PRKCZ: variants seen among roughly 807,000 people sequenced by gnomAD.
The protein encoded by PRKCZ is protein kinase C zeta.
In PRKCZ, 33 loss-of-function variants were observed where a neutral mutation model predicts 79.5. The observed-to-expected ratio is 0.41, with a 90% CI of 0.31 to 0.55. The LOEUF (loss-of-function observed/expected upper bound fraction) is 0.55. PRKCZ is among the 20% of genes least tolerant of loss of function. The pLI is 0.19. For missense variants in PRKCZ, 578 were observed against 813.5 expected, an observed-to-expected ratio of 0.71 and a Z score of 3.52; for synonymous variants, 342 against 320.9, an observed-to-expected ratio of 1.07 and a Z score of -0.70.
intron 4 of PRKCZ, among the ~76,000 whole-genome samples, chr1:2,110,308 G>T (rs1669465237): frequency 6.6e-6 from 1 of 152,236 alleles, no homozygotes; most frequent in Non-Finnish European, 1.5e-5. Flanking sequence ...GGCTGAATCT[G>T]CCTCCAGCGG....
At position 2,155,304 on chromosome 1, in the gene PRKCZ, A is replaced by G. The variant is rs573791331; in HGVS notation, c.877-691A>G. Among the ~76,000 whole-genome samples the G allele has an allele frequency of 1.1e-4, 16 of 150,564 alleles. 1 individual carries two copies. Among genetic ancestry groups the G allele is most frequent in the African/African-American group, 2.7e-4 (11 of 40,724 alleles). ...GATGATGATGGTAGTGGTGATGACA[A>G]TGGTGGTGATGACAGTGATGATGGT... On this transcript the variant is annotated intron_variant, in intron 9 of 17. Coordinates refer to ENST00000378567, the MANE Select transcript of PRKCZ (RefSeq NM_002744.6).
At chr1:2,121,862 C>CATG (rs200458054) in intron 4 of PRKCZ, among the ~76,000 whole-genome samples, 4 of 620 alleles carry the variant, frequency 6.5e-3, no homozygotes, top group Admixed American at 0.031. Flanking sequence ...TGGTTAGGGT[C>CATG]GTGGTGGTTA....
At chr1:2,085,291 C>T (rs1664290529) in intron 4 of PRKCZ, among the ~76,000 whole-genome samples, 1 of 152,256 alleles carries the variant, frequency 6.6e-6, no homozygotes, top group Non-Finnish European at 1.5e-5. Context: ...GCTGGTAGCA[C>T]ACAGAAGGTC....
At chr1:2,055,834 A>G in intron 2 of PRKCZ, 1 of 393,344 alleles carries the variant, frequency 2.5e-6, no homozygotes, top group Non-Finnish European at 4.6e-6. Flanking sequence ...GCAGGTCCTC[A>G]CCTCTTCCTC....
chr1:2,159,117 G>A (rs1215801494), intron 10 of PRKCZ, among the ~76,000 whole-genome samples: 1 of 152,168 alleles, frequency 6.6e-6, no homozygotes, highest in Non-Finnish European at 1.5e-5. Flanking sequence ...AGTAGAAACG[G>A]GGTGAGCTCC....
intron 10 of PRKCZ, among the ~76,000 whole-genome samples, chr1:2,159,430 C>T (rs1261045809): frequency 2.0e-5 from 3 of 152,228 alleles, no homozygotes; most frequent in Non-Finnish European, 4.4e-5. Flanking sequence ...TTGCTGAGGG[C>T]CAGGTGAATA....
upstream of PRKCZ, among the ~76,000 whole-genome samples, chr1:2,048,717 G>A (rs2102171029): frequency 6.6e-6 from 1 of 152,254 alleles, no homozygotes; most frequent in South Asian, 2.1e-4. Flanking sequence ...TCTGAGCTGG[G>A]GATGCAAAGC....
At chr1:2,105,345 G>T (rs1436528161) in intron 4 of PRKCZ, among the ~76,000 whole-genome samples, 3 of 152,200 alleles carry the variant, frequency 2.0e-5, no homozygotes, top group Non-Finnish European at 4.4e-5. Flanking sequence ...GGTGCCCGGG[G>T]CCCATCCGGG....
intron 4 of PRKCZ, among the ~76,000 whole-genome samples, chr1:2,061,267 C>G (rs1483557935): frequency 6.6e-6 from 1 of 152,236 alleles, no homozygotes; most frequent in Non-Finnish European, 1.5e-5. Context: ...TGCCTCTTGT[C>G]TCAACCCTGC....
intron 4 of PRKCZ, among the ~76,000 whole-genome samples, chr1:2,118,181 G>C (rs1053952256): frequency 1.2e-4 from 18 of 150,834 alleles, no homozygotes; most frequent in African/African-American, 4.4e-4. Context: ...ATTTTTAGTA[G>C]AGACAGGGTT....
chr1:2,110,324 C>T (rs1008191407), intron 4 of PRKCZ, among the ~76,000 whole-genome samples: 6 of 152,246 alleles, frequency 3.9e-5, no homozygotes, highest in Admixed American at 3.9e-4. Context: ...AGCGGGGGCC[C>T]CGGGCGTGAT....
At chr1:2,146,286 C>T (rs1046184614) in intron 7 of PRKCZ, among the ~76,000 whole-genome samples, 178 bp downstream of exon 7, 1 of 152,198 alleles carries the variant, frequency 6.6e-6, no homozygotes, top group Non-Finnish European at 1.5e-5. Flanking sequence ...TCCTCTCAAT[C>T]CCCGGCAGAG....
At chr1:2,148,721 A>G in intron 7 of PRKCZ, 151 bp from the exon 8 acceptor site, 1 of 719,180 alleles carries the variant, frequency 1.4e-6, no homozygotes, top group Admixed American at 2.9e-5. Flanking sequence ...CTGCATTTTC[A>G]GAAGACTCTA....
intron 10 of PRKCZ, among the ~76,000 whole-genome samples, chr1:2,161,240 G>A (rs575886521): frequency 2.6e-5 from 4 of 152,234 alleles, no homozygotes; most frequent in Non-Finnish European, 5.9e-5. Flanking sequence ...CATCGGGGTT[G>A]CCTAAAATGG....
At chr1:2,144,074 G>A in intron 5 of PRKCZ, 136 bp from the exon 6 acceptor site, 1 of 1,285,092 alleles carries the variant, frequency 7.8e-7, no homozygotes, top group Non-Finnish European at 1.1e-6. Context: ...GCGCCCGGAA[G>A]GGACAAGGTG....
intron 4 of PRKCZ, among the ~76,000 whole-genome samples, chr1:2,097,763 G>A (rs1177965576): frequency 2.6e-5 from 4 of 152,286 alleles, no homozygotes; most frequent in African/African-American, 4.8e-5. Flanking sequence ...ATAAATTTTG[G>A]GTGCTGCAAA....
intron 16 of PRKCZ, among the ~76,000 whole-genome samples, chr1:2,176,260 G>A (rs1167448586): frequency 6.6e-6 from 1 of 152,196 alleles, no homozygotes; most frequent in Non-Finnish European, 1.5e-5. Context: ...ATGTCCCGAG[G>A]GGCTCTGCGT....
chr1:2,116,334 C>T (rs974522224), intron 4 of PRKCZ: 10 of 152,212 alleles, frequency 6.6e-5, no homozygotes, highest in African/African-American at 1.9e-4. Context: ...CCGAGGCTCC[C>T]GGGTTATTGG....
chr1:2,089,568 A>G (rs1665126464), intron 4 of PRKCZ, among the ~76,000 whole-genome samples: 1 of 152,156 alleles, frequency 6.6e-6, no homozygotes, highest in Non-Finnish European at 1.5e-5. Context: ...TCTTCACGTG[A>G]TAAAGGGGAC....
Sources: gnomAD v4.1 joint callset for allele counts (sites outside exome capture counted in the v4.1 genomes callset) on GRCh38, gnomAD v4.1.1 for gene constraint, MANE v1.5 for transcripts, NCBI Gene and HGNC (gene_info 2026-07-23, HGNC 2026-07-21) for gene names.